The following ARID1B variants were observed in gnomAD, a reference collection of about 807,000 sequenced individuals.
The protein encoded by ARID1B is AT-rich interactive domain-containing protein 1B.
Under a neutral mutation model 212.3 loss-of-function variants are expected in ARID1B, and 30 were observed. The ratio of observed to expected loss-of-function variants is 0.14; its 90% CI spans 0.11 to 0.19. ARID1B has a LOEUF of 0.19. ARID1B is among the 10% of genes least tolerant of loss of function. The pLI, the probability that ARID1B is intolerant of heterozygous loss-of-function variation, is 1.00. For synonymous variants in ARID1B, 1,402 were observed against 1,301.7 expected, an observed-to-expected ratio of 1.08 and a Z score of -1.66; for missense variants, 2,891 against 3,204.0, an observed-to-expected ratio of 0.90 and a Z score of 2.36.
intron 2 of ARID1B, among the ~76,000 whole-genome samples, chr6:156,865,823 T>G (rs2128135201): frequency 6.6e-6 from 1 of 152,232 alleles, no homozygotes; most frequent in East Asian, 1.9e-4. Flanking sequence ...ACCTTCCTCC[T>G]TTTTCCTTTT....
chr6:156,779,157 C>A lies in ARID1B; in HGVS notation c.1477C>A (p.Gln493Lys). Residue 493 changes from glutamine (Q) to lysine (K), a missense_variant, in exon 1 of 20, where the codon CAG (glutamine) becomes AAG (lysine). Physicochemically the swap from Gln to Lys is moderately conservative, Grantham distance 53. Coordinates refer to ENST00000636930, the MANE Select transcript of ARID1B (RefSeq NM_001374828.1). ...GGFQRFAGQN[Q>K]HPSGATPTLN... The stretch of plus-strand genomic sequence containing the variant: ...CTTCCAGCGCTTCGCCGGCCAGAAC[C>A]AGCACCCGTCGGGGGCCACCCCGAC... The A allele has an allele frequency of 7.6e-7, 1 of 1,322,918 alleles. No homozygotes were observed. Among genetic ancestry groups the A allele is most frequent in the Admixed American group, 2.9e-5 (1 of 35,078 alleles). 81.9% of individuals were successfully genotyped at this position (1,322,918 alleles called of 1,614,324 possible).
chr6:156,845,092 A>AAATTCACAGTCTC (rs59627688), intron 2 of ARID1B, among the ~76,000 whole-genome samples: 1 of 151,966 alleles, frequency 6.6e-6, no homozygotes, highest in Non-Finnish European at 1.5e-5. Flanking sequence ...TTTAGGAGAC[A>AAATTCACAGTCTC]TCTTCAGCCG....
intron 6 of ARID1B, among the ~76,000 whole-genome samples, chr6:157,115,794 CA>C (rs1215593475): frequency 1.3e-5 from 2 of 152,098 alleles, no homozygotes; most frequent in Admixed American, 1.3e-4. Context: ...TCATTATGTA[CA>C]TGAATTTTAA....
At chr6:156,917,981 A>T (rs573670818) in intron 3 of ARID1B, among the ~76,000 whole-genome samples, 1 of 152,346 alleles carries the variant, frequency 6.6e-6, no homozygotes, top group East Asian at 1.9e-4. Context: ...ATGGGCAATC[A>T]TTTGGAAAAG....
intron 4 of ARID1B, among the ~76,000 whole-genome samples, chr6:157,031,943 T>C (rs1044534143): frequency 6.6e-6 from 1 of 152,134 alleles, no homozygotes; most frequent in Admixed American, 6.5e-5. Flanking sequence ...ACTACCGGCA[T>C]GCGCCACCAC....
intron 4 of ARID1B, among the ~76,000 whole-genome samples, chr6:157,056,365 A>G (rs1276134333): frequency 6.6e-6 from 1 of 152,246 alleles, no homozygotes; most frequent in Non-Finnish European, 1.5e-5. Flanking sequence ...ATTATGGAAC[A>G]TATTTGACTG....
At position 157,133,093 on chromosome 6, in the gene ARID1B, T is replaced by C. The variant is rs756767804; in HGVS notation, c.2647T>C (p.Ser883Pro). The stretch of plus-strand genomic sequence containing the variant: ...GTATGGACCTCAACAGACAGGACCA[T>C]CCATGTCGCCTCATCCTTCTCCTGG... ...AQYGPQQTGP[S>P]MSPHPSPGGQ... is the part of the protein sequence containing the mutation. Residue 883 changes from serine to proline, a missense_variant, in exon 7 of 20, where the codon TCC (serine) becomes CCC (proline). Physicochemically the swap from Ser to Pro is moderately conservative, Grantham distance 74. Transcript: ENST00000636930. The C allele has an allele frequency of 1.9e-6, 3 of 1,614,164 alleles. No individual in the cohort carries two copies. Among genetic ancestry groups the C allele is most frequent in the Non-Finnish European group, 1.7e-6 (2 of 1,180,040 alleles).
intron 1 of ARID1B, among the ~76,000 whole-genome samples, chr6:156,818,104 T>TC (rs1257087018): frequency 7.0e-6 from 1 of 143,802 alleles, no homozygotes; most frequent in African/African-American, 2.6e-5. Flanking sequence ...CCCTATTTTT[T>TC]TTTTTTTTTT....
At chr6:157,187,642 T>G (rs143892835) in intron 13 of ARID1B, among the ~76,000 whole-genome samples, 1 of 152,196 alleles carries the variant, frequency 6.6e-6, no homozygotes, top group Non-Finnish European at 1.5e-5. Context: ...TTGTTTACTT[T>G]AGAGTATACA....
At position 156,818,098 on chromosome 6, in the gene ARID1B, ATTTTT is replaced by A. The variant is rs71027317; in HGVS notation, c.1792-11107_1792-11103del. Among the ~76,000 whole-genome samples the A allele has an allele frequency of 2.8e-4, 17 of 61,330 alleles. No homozygotes were observed. The South Asian group carries it at 4.6e-3, about 17-fold the overall frequency. The allele number at this position is 61,330 out of a possible 152,430, so 40.2% of individuals were successfully genotyped here. A position where few individuals can be genotyped will look rare whatever the true frequency, so the allele number is the denominator to read the frequency against. Reference sequence around the variant, plus strand: ...TTTATATGTTGAATTTAGTTGCCCTATTTTTTTTTTTTTTTTTTTTTTTTTTAGAA... The same window carrying A: ...TTTATATGTTGAATTTAGTTGCCCTATTTTTTTTTTTTTTTTTTTTTAGAA... On this transcript the variant is annotated intron_variant, in intron 1 of 19. Transcript: ENST00000636930.
At chr6:156,820,762 A>T (rs1326203809) in intron 1 of ARID1B, among the ~76,000 whole-genome samples, 1 of 152,182 alleles carries the variant, frequency 6.6e-6, no homozygotes, top group Non-Finnish European at 1.5e-5. Context: ...CTTTGGATTT[A>T]TTTTATATAT....
chr6:156,987,154 G>A (rs930385950), intron 4 of ARID1B, among the ~76,000 whole-genome samples: 4 of 116,074 alleles, frequency 3.4e-5, no homozygotes, highest in Admixed American at 9.2e-5. Context: ...CTGTAGCCTC[G>A]GTGACAGAGA....
rs61152353 is a variant in ARID1B at position 156,932,145 on chromosome 6, A to AGGG, written c.2137-3314_2137-3312dup. ...ACCTTGTTTCTTAAAAAAAAAAAAA[A>AGGG]GGGGGGGGGCGGGGTGAAGAAATAC... On this transcript the variant is annotated intron_variant, in intron 3 of 19. Coordinates refer to ENST00000636930, the MANE Select transcript of ARID1B (RefSeq NM_001374828.1). 1.7e-3 allele frequency among the ~76,000 whole-genome samples: 104 copies of AGGG among 61,334 alleles called. 1 individual carries two copies. The highest frequency in any genetic ancestry group is 5.4e-3 in the South Asian group (8 of 1,488). The allele number at this position is 61,334 out of a possible 152,430, so 40.2% of individuals were successfully genotyped here.
intron 2 of ARID1B, among the ~76,000 whole-genome samples, chr6:156,833,275 A>G (rs901284422): frequency 1.3e-5 from 2 of 152,168 alleles, no homozygotes; most frequent in African/African-American, 4.8e-5. Flanking sequence ...TCAGGAATGC[A>G]GGTTTTGTTT....
chr6:157,019,194 A>C (rs1043411847), intron 4 of ARID1B, among the ~76,000 whole-genome samples: 1 of 152,204 alleles, frequency 6.6e-6, no homozygotes, highest in African/African-American at 2.4e-5. Context: ...CACTGGGGGC[A>C]CTGTGAGGGA....
At chr6:156,853,413 T>C (rs1784709308) in intron 2 of ARID1B, among the ~76,000 whole-genome samples, 1 of 152,170 alleles carries the variant, frequency 6.6e-6, no homozygotes, top group Non-Finnish European at 1.5e-5. Context: ...GGTGGTCAGT[T>C]TGAGGCCCAA....
Position 156,955,002 on chromosome 6 carries a change from C to T in ARID1B, c.2247+19426C>T, listed in dbSNP as rs929964065. Among the ~76,000 whole-genome samples the T allele has an allele frequency of 3.9e-5, 6 of 152,214 alleles. No homozygotes were observed. Among genetic ancestry groups the T allele is most frequent in the Non-Finnish European group, 5.9e-5 (4 of 68,032 alleles). On this transcript the variant is annotated intron_variant, in intron 4 of 19. Coordinates refer to ENST00000636930, the MANE Select transcript of ARID1B (RefSeq NM_001374828.1). This position sits in a 1 kb window ranked among gnomAD's most constrained non-coding sequence, Gnocchi z 4.2. ...CCGTCACGCTGCCGTGTATCGGAGG[C>T]GTCAGGGTCTGCAGGGCTTTGCGGC...
chr6:157,044,078 A>C (rs1248689423), intron 4 of ARID1B, among the ~76,000 whole-genome samples: 1 of 152,210 alleles, frequency 6.6e-6, no homozygotes, highest in Non-Finnish European at 1.5e-5. Context: ...TCAGAGAAAA[A>C]TCCAAGAAGA....
chr6:156,897,249 CTTCTTCTTCTTCTTCTTA>C (rs1788525409), intron 2 of ARID1B, among the ~76,000 whole-genome samples: 1 of 100,824 alleles, frequency 9.9e-6, no homozygotes, highest in Non-Finnish European at 2.1e-5. Flanking sequence ...TCTTCTTCTT[CTTCTTCTTCTTCTTCTTA>C]TTATTATTAT....
Sources: gnomAD v4.1 joint callset for allele counts (sites outside exome capture counted in the v4.1 genomes callset) on GRCh38, gnomAD v4.1.1 for gene constraint, Gnocchi (gnomAD v3.1) non-coding constraint, MANE v1.5 for transcripts, NCBI Gene and HGNC (gene_info 2026-07-23, HGNC 2026-07-21) for gene names.